PRKN: variants seen among roughly 807,000 people sequenced by gnomAD.
PRKN encodes the protein E3 ubiquitin-protein ligase parkin.
A neutral mutation model predicts 59.5 loss-of-function variants in PRKN; 56 were observed. The ratio of observed to expected loss-of-function variants is 0.94; its 90% confidence interval spans 0.76 to 1.18. The LOEUF is 1.18. PRKN is among the 50% of genes most tolerant of loss of function. The pLI is 0.00. For missense variants in PRKN, 657 were observed against 596.4 expected, an observed-to-expected ratio of 1.10 and a Z score of -1.06; for synonymous variants, 250 against 222.1, an observed-to-expected ratio of 1.13 and a Z score of -1.12.
chr6:161,961,699 C>T (rs1348640975), intron 6 of PRKN, among the ~76,000 whole-genome samples: 1 of 152,116 alleles, frequency 6.6e-6, no homozygotes, highest in Non-Finnish European at 1.5e-5. Context: ...TGATCAGAAA[C>T]GCAAGGTTTT....
intron 6 of PRKN, among the ~76,000 whole-genome samples, chr6:161,936,668 G>A (rs1583371378): frequency 1.3e-5 from 2 of 152,094 alleles, no homozygotes; most frequent in East Asian, 1.9e-4. Context: ...CCTGCACCAC[G>A]AGAAAGCTCT....
intron 7 of PRKN, among the ~76,000 whole-genome samples, chr6:161,623,899 T>C (rs999355623): frequency 1.3e-5 from 2 of 152,246 alleles, no homozygotes; most frequent in Non-Finnish European, 2.9e-5. Context: ...TGTATGTTTA[T>C]ATTGAACTGG....
At chr6:161,779,088 T>A (rs985468406) in intron 7 of PRKN, among the ~76,000 whole-genome samples, 1 of 151,956 alleles carries the variant, frequency 6.6e-6, no homozygotes, top group African/African-American at 2.4e-5. Flanking sequence ...TACAGGCACC[T>A]GCCACCACGC....
intron 6 of PRKN, among the ~76,000 whole-genome samples, chr6:161,950,742 C>A (rs1354556502): frequency 1.3e-5 from 2 of 152,008 alleles, no homozygotes; most frequent in African/African-American, 4.8e-5. Flanking sequence ...ATGAGGGAAA[C>A]ATTTAAATAT....
At chr6:162,247,115 G>T (rs1240578735) in intron 3 of PRKN, among the ~76,000 whole-genome samples, 1 of 152,040 alleles carries the variant, frequency 6.6e-6, no homozygotes, top group Non-Finnish European at 1.5e-5. Context: ...TATATTTATA[G>T]CTTTGTTAGT....
chr6:162,262,745 C>CTGCTGAT lies in PRKN; in HGVS notation c.185_191dup (p.Ile66AlafsTer33). 1 of 1,602,608 alleles carries CTGCTGAT rather than the reference C, an allele frequency of 6.2e-7. No homozygotes were observed. The highest frequency in any genetic ancestry group is 8.5e-7 in the Non-Finnish European group (1 of 1,177,054). On this transcript the variant is annotated frameshift_variant, in exon 3 of 12. Transcript: ENST00000366898. LOFTEE classifies it high-confidence loss of function. ...GTCTCTGCACAATGTGAACAATGCT[C>CTGCTGAT]TGCTGATCCAGGTCACAATTCTGTT...
At chr6:162,352,393 TTCTGAACCATTTATC>T (rs1360031796) in intron 2 of PRKN, among the ~76,000 whole-genome samples, 1 of 152,170 alleles carries the variant, frequency 6.6e-6, no homozygotes, top group Admixed American at 6.6e-5. Flanking sequence ...GTGTCAAACT[TTCTGAACCATTTATC>T]TTTTATAGAC....
chr6:161,671,515 T>C (rs1454549707), intron 7 of PRKN, among the ~76,000 whole-genome samples: 1 of 152,192 alleles, frequency 6.6e-6, no homozygotes, highest in Non-Finnish European at 1.5e-5. Context: ...AGTGTGATGC[T>C]GGATGGATGT....
At chr6:162,163,998 C>T (rs566962265) in intron 4 of PRKN, among the ~76,000 whole-genome samples, 8 of 148,724 alleles carry the variant, frequency 5.4e-5, no homozygotes, top group African/African-American at 1.0e-4. Context: ...AAAATGAGGG[C>T]GGAGATGATT....
chr6:162,243,254 G>T (rs1375435791), intron 3 of PRKN, among the ~76,000 whole-genome samples: 1 of 152,056 alleles, frequency 6.6e-6, no homozygotes, highest in African/African-American at 2.4e-5. Flanking sequence ...GGTCATGAGG[G>T]GATATAAATT....
chr6:161,814,761 C>A (rs1791701434), intron 6 of PRKN, among the ~76,000 whole-genome samples: 1 of 152,164 alleles, frequency 6.6e-6, no homozygotes, highest in Admixed American at 6.5e-5. Flanking sequence ...CTCAGCCTCC[C>A]AAAGTGCTAG....
At chr6:162,363,790 T>C (rs996794397) in intron 2 of PRKN, among the ~76,000 whole-genome samples, 1 of 152,168 alleles carries the variant, frequency 6.6e-6, no homozygotes, top group African/African-American at 2.4e-5. Context: ...CTTCTATACA[T>C]CTTGCTGGAC....
intron 4 of PRKN, among the ~76,000 whole-genome samples, chr6:162,193,473 C>T (rs187324063): frequency 6.6e-6 from 1 of 152,312 alleles, no homozygotes; most frequent in African/African-American, 2.4e-5. Flanking sequence ...TATCACTCCT[C>T]CCTGAACTCG....
At chr6:162,559,860 G>A (rs770663106) in intron 1 of PRKN, among the ~76,000 whole-genome samples, 14 of 152,032 alleles carry the variant, frequency 9.2e-5, no homozygotes, top group African/African-American at 1.4e-4. Context: ...CTTCACATAC[G>A]AGAAAGGAAA....
intron 1 of PRKN, among the ~76,000 whole-genome samples, chr6:162,725,205 A>C (rs2128241487): frequency 6.6e-6 from 1 of 152,368 alleles, no homozygotes; most frequent in African/African-American, 2.4e-5. Flanking sequence ...TGAGTGTAAT[A>C]GTTAGAGAAA....
intron 2 of PRKN, among the ~76,000 whole-genome samples, chr6:162,414,451 T>C (rs1788507336): frequency 6.6e-6 from 1 of 151,922 alleles, no homozygotes; most frequent in Non-Finnish European, 1.5e-5. Context: ...CTCACACCTG[T>C]AATCCCAGCA....
chr6:162,664,611 T>C (rs1007052593), intron 1 of PRKN, among the ~76,000 whole-genome samples: 4 of 152,220 alleles, frequency 2.6e-5, no homozygotes, highest in Admixed American at 1.3e-4. Context: ...TGGTATCTCA[T>C]TGTGGTTTTG....
At chr6:162,044,600 G>C (rs1355699989) in intron 5 of PRKN, among the ~76,000 whole-genome samples, 1 of 152,202 alleles carries the variant, frequency 6.6e-6, no homozygotes, top group Non-Finnish European at 1.5e-5. Flanking sequence ...CTCCATCAAA[G>C]CAGGGAATGT....
At chr6:161,625,434 G>A (rs1783049877) in intron 7 of PRKN, among the ~76,000 whole-genome samples, 2 of 151,976 alleles carry the variant, frequency 1.3e-5, no homozygotes, top group Non-Finnish European at 1.5e-5. Context: ...CCTGGGGGAG[G>A]GATGGCATTA....
Sources: allele counts gnomAD v4.1 joint callset (sites outside exome capture counted in the v4.1 genomes callset), GRCh38; gene constraint gnomAD v4.1.1; transcripts MANE v1.5; gene names NCBI Gene and HGNC (gene_info 2026-07-23, HGNC 2026-07-21).